The following CLDN18 variants were observed in gnomAD, a reference collection of about 807,000 sequenced individuals.
CLDN18 encodes claudin-18.
In CLDN18, 20 loss-of-function variants were observed where a neutral mutation model predicts 25.0. That is an observed-to-expected ratio of 0.80 (90% CI 0.56 to 1.16). The LOEUF (loss-of-function observed/expected upper bound fraction) is 1.16. Among genes scored for constraint, CLDN18 ranks in the 50% most tolerant of loss-of-function variants. CLDN18 has a pLI of 0.00. For missense variants in CLDN18, 297 were observed against 345.4 expected, an observed-to-expected ratio of 0.86 and a Z score of 1.11; for synonymous variants, 125 against 135.6, an observed-to-expected ratio of 0.92 and a Z score of 0.54.
upstream of CLDN18, among the ~76,000 whole-genome samples, chr3:138,008,663 C>A (rs533329783): frequency 6.6e-6 from 1 of 151,976 alleles, no homozygotes; most frequent in Non-Finnish European, 1.5e-5. Flanking sequence ...CAGTGAGTCA[C>A]GCCTGTAATC....
chr3:138,020,231 G>A (rs1205567052), intron 1 of CLDN18, among the ~76,000 whole-genome samples: 3 of 152,088 alleles, frequency 2.0e-5, no homozygotes, highest in South Asian at 4.2e-4. Flanking sequence ...CCACTTACTG[G>A]CACCTGCTCC....
chr3:138,009,892 C>T (rs1023908292), upstream of CLDN18: 10 of 304,562 alleles, frequency 3.3e-5, no homozygotes, highest in African/African-American at 1.9e-4. Context: ...CTCCAGATGG[C>T]GGCGCTCTCC....
intron 3 of CLDN18, among the ~76,000 whole-genome samples, chr3:138,028,878 C>T (rs192810688): frequency 7.7e-4 from 117 of 152,318 alleles, no homozygotes; most frequent in African/African-American, 2.6e-3. Context: ...AGAAGCACCA[C>T]GAGCACAGGG....
upstream of CLDN18, chr3:138,009,851 G>T (rs1331457823): frequency 8.2e-6 from 2 of 244,116 alleles, no homozygotes; most frequent in Non-Finnish European, 1.6e-5. Context: ...CTGCAGTCAC[G>T]TTCCCCGTGG....
chr3:138,028,370 G>A (rs1270572849), intron 3 of CLDN18, among the ~76,000 whole-genome samples: 1 of 152,186 alleles, frequency 6.6e-6, no homozygotes, highest in Non-Finnish European at 1.5e-5. Context: ...CAGCCAATGT[G>A]TGTGCTTTTA....
At chr3:138,000,186 C>A (rs1396284895) in intron 1 of CLDN18, among the ~76,000 whole-genome samples, 2 of 152,102 alleles carry the variant, frequency 1.3e-5, no homozygotes, top group Admixed American at 6.5e-5. Context: ...ATCTGTGGGC[C>A]TACCATTCCC....
At chr3:138,010,843 G>GA (rs1164884492) in intron 1 of CLDN18, among the ~76,000 whole-genome samples, 1 of 152,118 alleles carries the variant, frequency 6.6e-6, no homozygotes. Context: ...GTTATATCTG[G>GA]AAAAGTTTAT....
chr3:138,027,252 A>G (rs1942337416), intron 3 of CLDN18, among the ~76,000 whole-genome samples: 1 of 152,210 alleles, frequency 6.6e-6, no homozygotes, highest in Non-Finnish European at 1.5e-5. Flanking sequence ...AGTTTACCAC[A>G]ATCCCCACTA....
chr3:138,011,487 T>C (rs1411532928), intron 1 of CLDN18, among the ~76,000 whole-genome samples: 4 of 152,110 alleles, frequency 2.6e-5, no homozygotes, highest in Non-Finnish European at 5.9e-5. Context: ...AAGCCACTTA[T>C]TGCAGGACCA....
intron 1 of CLDN18, among the ~76,000 whole-genome samples, chr3:138,000,404 C>T (rs905647869): frequency 2.0e-5 from 3 of 152,104 alleles, no homozygotes; most frequent in Non-Finnish European, 4.4e-5. Context: ...AGGGTGCCAC[C>T]GCCCAAGTCT....
intron 3 of CLDN18, among the ~76,000 whole-genome samples, chr3:138,026,272 C>G (rs1421039206): frequency 6.6e-6 from 1 of 152,224 alleles, no homozygotes; most frequent in South Asian, 2.1e-4. Flanking sequence ...AACTGCCTGC[C>G]CTCACACTGT....
chr3:138,010,197 C>A lies in CLDN18; in HGVS notation c.-29C>A. On this transcript the variant is annotated 5_prime_UTR_variant, in exon 1 of 5. Transcript: ENST00000183605. ...CGGCAGCAGGAGGGCGGCAGCTTCT[C>A]GCAGGCGGCAGGGCGGGCGGCCAGG... The A allele has an allele frequency of 6.2e-7, 1 of 1,604,628 alleles. No individual in the cohort carries two copies. The highest frequency in any genetic ancestry group is 8.5e-7 in the Non-Finnish European group (1 of 1,175,248).
At chr3:138,026,199 G>T (rs576720823) in intron 3 of CLDN18, among the ~76,000 whole-genome samples, 1 of 152,062 alleles carries the variant, frequency 6.6e-6, no homozygotes, top group Non-Finnish European at 1.5e-5. Context: ...CCTGTTCCCC[G>T]ACTCTGTTAT....
intron 1 of CLDN18, chr3:137,999,190 G>T: frequency 9.5e-7 from 1 of 1,048,152 alleles, no homozygotes; most frequent in Non-Finnish European, 1.4e-6. Flanking sequence ...GGGGAGGGAG[G>T]AACTGCGATT....
At position 138,010,369 on chromosome 3, in the gene CLDN18, G is replaced by GCT; in HGVS notation, c.147_148dup (p.Trp50SerfsTer6). 1 of 1,614,226 alleles carries GCT rather than the reference G, an allele frequency of 6.2e-7. No homozygotes were observed. The highest frequency in any genetic ancestry group is 8.5e-7 in the Non-Finnish European group (1 of 1,180,038). On this transcript the variant is annotated frameshift_variant, in exon 1 of 5. Transcript: ENST00000183605. LOFTEE classifies it high-confidence loss of function. Reference sequence around the variant, plus strand: ...TCACCTCCGTGTTCCAGTACGAAGGGCTCTGGAGGAGCTGCGTGAGGCAGA... The same window carrying GCT: ...TCACCTCCGTGTTCCAGTACGAAGGGCTCTCTGGAGGAGCTGCGTGAGGCAGA...
rs1434512203 is a variant in CLDN18, at chr3:138,031,362, C to T, written c.*221C>T. On this transcript the variant is annotated 3_prime_UTR_variant, in exon 5 of 5. Transcript: ENST00000183605. ...GTTATTTATGAATTAGAGGCTATAGCTCACATTTTCAATCCTCTATTTCTT... is the reference window on the plus strand; with the variant it reads ...GTTATTTATGAATTAGAGGCTATAGTTCACATTTTCAATCCTCTATTTCTT... 2.5e-6 allele frequency: 1 copy of T among 392,418 alleles called. No homozygotes were observed. Among genetic ancestry groups the T allele is most frequent in the Non-Finnish European group, 4.5e-6 (1 of 222,550 alleles). 24.3% of individuals were successfully genotyped at this position (392,418 alleles called of 1,614,324 possible). A position where few individuals can be genotyped will look rare whatever the true frequency, so the allele number is the denominator to read the frequency against.
At chr3:137,999,877 A>G (rs1023013058) in intron 1 of CLDN18, among the ~76,000 whole-genome samples, 1 of 152,252 alleles carries the variant, frequency 6.6e-6, no homozygotes, top group Non-Finnish European at 1.5e-5. Flanking sequence ...AATGTTAAAA[A>G]TGTCTTTCAC....
chr3:137,999,267 G>A (rs890417005), intron 1 of CLDN18, among the ~76,000 whole-genome samples: 6 of 152,166 alleles, frequency 3.9e-5, no homozygotes, highest in African/African-American at 1.2e-4. Context: ...CTTAGGGAGA[G>A]GAAGTTTCTG....
At chr3:138,001,331 C>T (rs1035259575) in intron 1 of CLDN18, among the ~76,000 whole-genome samples, 1 of 152,026 alleles carries the variant, frequency 6.6e-6, no homozygotes, top group Non-Finnish European at 1.5e-5. Context: ...ACAGAATTCT[C>T]CTTGAATGGG....
Sources: gnomAD v4.1 joint callset for allele counts (sites outside exome capture counted in the v4.1 genomes callset) on GRCh38, gnomAD v4.1.1 for gene constraint, MANE v1.5 for transcripts, NCBI Gene and HGNC (gene_info 2026-07-23, HGNC 2026-07-21) for gene names.